Variants in KCNT1 observed in about 807,000 individuals in gnomAD.
KCNT1 encodes the protein potassium channel subfamily T member 1.
Under a neutral mutation model 147.8 loss-of-function variants are expected in KCNT1, and 78 were observed. That is an observed-to-expected ratio of 0.53 (90% CI 0.44 to 0.64). The LOEUF (loss-of-function observed/expected upper bound fraction) is 0.64, where lower values mean the gene tolerates loss of function less well. KCNT1 is among the 30% of genes least tolerant of loss of function. The probability of loss-of-function intolerance (pLI) is 0.00; values close to 1 mark genes in which losing one functional copy is unlikely to be tolerated. For missense variants in KCNT1, 1,419 were observed against 1,750.3 expected (o/e 0.81, Z 3.38); for synonymous variants, 867 against 748.8 (o/e 1.16, Z -2.58).
intron 2 of KCNT1, among the ~76,000 whole-genome samples, chr9:135,727,545 G>A (rs1836268490): frequency 6.6e-6 from 1 of 151,944 alleles, no homozygotes; most frequent in Admixed American, 6.6e-5. Context: ...CGAGGGGCCT[G>A]GGAACGGGGA....
At chr9:135,781,048 G>A (rs888022278) in intron 24 of KCNT1, among the ~76,000 whole-genome samples, 1 of 152,312 alleles carries the variant, frequency 6.6e-6, no homozygotes, top group South Asian at 2.1e-4. Context: ...AATCACCCAC[G>A]CTCCGCCCCG....
At position 135,765,573 on chromosome 9, in the gene KCNT1, G is replaced by A. The variant is rs748497785; in HGVS notation, c.1201-51G>A. ...CACAGTCCTGAAGGCAGGGCCGCCCGGGCGGGGCAGGGGCTGGCTCAGAGG... is the reference window on the plus strand; with the variant it reads ...CACAGTCCTGAAGGCAGGGCCGCCCAGGCGGGGCAGGGGCTGGCTCAGAGG... On this transcript the variant is annotated intron_variant, in intron 12 of 30. Transcript: ENST00000371757. The A allele has an allele frequency of 1.9e-5, 30 of 1,571,240 alleles. 1 individual carries two copies. In the East Asian group the frequency reaches 2.0e-4, roughly 11 times the overall value.
chr9:135,790,347 C>T (rs1176185365), intron 29 of KCNT1: 1 of 152,248 alleles, frequency 6.6e-6, no homozygotes, highest in African/African-American at 2.4e-5. Flanking sequence ...GCCCCTGGGC[C>T]TCCTCCAAAG....
chr9:135,782,812 C>T (rs981316837), intron 24 of KCNT1, among the ~76,000 whole-genome samples: 2 of 152,252 alleles, frequency 1.3e-5, no homozygotes, highest in Non-Finnish European at 1.5e-5. Flanking sequence ...CAAATCACCA[C>T]GATTGCAAAC....
chr9:135,742,364 G>A (rs879349776), intron 2 of KCNT1, among the ~76,000 whole-genome samples: 8 of 152,198 alleles, frequency 5.3e-5, no homozygotes, highest in Non-Finnish European at 1.0e-4. Context: ...GGGCCAGGGC[G>A]AGTGCCCAAA....
intron 24 of KCNT1, among the ~76,000 whole-genome samples, chr9:135,781,296 A>T (rs1223824134): frequency 2.0e-5 from 3 of 152,202 alleles, no homozygotes; most frequent in African/African-American, 7.2e-5. Flanking sequence ...TGTGGGACAG[A>T]TGCCCTGGGC....
chr9:135,764,925 GC>G, intron 11 of KCNT1, 105 bp from the exon 12 acceptor site: 2 of 1,319,136 alleles, frequency 1.5e-6, no homozygotes, highest in Non-Finnish European at 2.1e-6. Context: ...GGCCGGCCCT[GC>G]CCCAGGCCCC....
In KCNT1 at chr9:135,763,115, A is replaced by G. The variant is rs532127216; in HGVS notation, c.1036-1916A>G. Among the ~76,000 whole-genome samples, 8 of 152,320 alleles carry G rather than the reference A, an allele frequency of 5.3e-5. No individual in the cohort carries two copies. In the East Asian group the frequency reaches 1.5e-3, roughly 29 times the overall value. On this transcript the variant is annotated intron_variant, in intron 11 of 30. Transcript: ENST00000371757. The stretch of plus-strand genomic sequence containing the variant: ...TGGGGGCTGGCGCACCCTCCCTCCC[A>G]TCAGCCCTGCCGGACCTGGTGCTCA...
At position 135,778,976 on chromosome 9, in the gene KCNT1, C is replaced by T. The variant is rs547740163; in HGVS notation, c.2729+154C>T. 9.7e-4 allele frequency among the ~76,000 whole-genome samples: 140 copies of T among 143,730 alleles called. 1 individual carries two copies. The highest frequency in any genetic ancestry group is 5.8e-3 in the South Asian group (24 of 4,152). The allele number at this position is 143,730 out of a possible 152,430, so 94.3% of individuals were successfully genotyped here. On this transcript the variant is annotated intron_variant, in intron 23 of 30. Coordinates refer to ENST00000371757, the MANE Select transcript of KCNT1 (RefSeq NM_020822.3). ...CCTCGCCCTGAGACCGCCACAGCCACGACCACGGGCCCTCGCCCTGAGACC... is the reference window on the plus strand; with the variant it reads ...CCTCGCCCTGAGACCGCCACAGCCATGACCACGGGCCCTCGCCCTGAGACC...
At chr9:135,763,091 G>A (rs1174323583) in intron 11 of KCNT1, among the ~76,000 whole-genome samples, 1 of 152,248 alleles carries the variant, frequency 6.6e-6, no homozygotes, top group Non-Finnish European at 1.5e-5. Context: ...GGCAGGGCCT[G>A]GGGGCTGGCG....
intron 1 of KCNT1, among the ~76,000 whole-genome samples, chr9:135,708,229 C>CAT: frequency 6.6e-6 from 1 of 152,298 alleles, no homozygotes; most frequent in South Asian, 2.1e-4. Flanking sequence ...TGCATGCACA[C>CAT]ATATGTCCAC....
chr9:135,783,022 C>T (rs1257885253), intron 24 of KCNT1, among the ~76,000 whole-genome samples: 3 of 152,162 alleles, frequency 2.0e-5, no homozygotes, highest in African/African-American at 7.2e-5. Context: ...GTTCTGGTTC[C>T]GGGGGGAAGT....
intron 13 of KCNT1, among the ~76,000 whole-genome samples, chr9:135,766,342 A>C (rs1832283647): frequency 7.4e-6 from 1 of 134,784 alleles, no homozygotes; most frequent in African/African-American, 2.9e-5. Flanking sequence ...ATTCAGAGTG[A>C]ACCATCTGGG....
chr9:135,790,086 C>T (rs1834380708), intron 29 of KCNT1: 1 of 152,144 alleles, frequency 6.6e-6, no homozygotes, highest in Non-Finnish European at 1.5e-5. Context: ...CCGGGCACCC[C>T]AGCGGGAGAA....
intron 19 of KCNT1, 116 bp downstream of exon 19, chr9:135,773,065 C>A: frequency 4.4e-6 from 3 of 677,388 alleles, no homozygotes; most frequent in Admixed American, 7.7e-5. Flanking sequence ...AGCTTCTGGA[C>A]AGCTCCGTGG....
intron 1 of KCNT1, among the ~76,000 whole-genome samples, chr9:135,710,749 A>G (rs1835452416): frequency 6.6e-6 from 1 of 152,214 alleles, no homozygotes; most frequent in Non-Finnish European, 1.5e-5. Flanking sequence ...TTGCACGTAT[A>G]GTCTTCAGGA....
chr9:135,753,784 C>T lies in KCNT1; in HGVS notation c.435-153C>T, dbSNP rs145273710. 4.8e-4 allele frequency: 341 copies of T among 717,766 alleles called. 1 individual carries two copies. The East Asian group carries it at 8.6e-3, about 18-fold the overall frequency. 44.5% of individuals were successfully genotyped at this position (717,766 alleles called of 1,614,324 possible). A position where few individuals can be genotyped will look rare whatever the true frequency, so the allele number is the denominator to read the frequency against. ...GTGGGGAGGGGGCAGGCTGCCTTGTCTCCCAGGTGTTAGAGCTCTGATGTG... is the reference window on the plus strand; with the variant it reads ...GTGGGGAGGGGGCAGGCTGCCTTGTTTCCCAGGTGTTAGAGCTCTGATGTG... On this transcript the variant is annotated intron_variant, in intron 4 of 30. Coordinates refer to ENST00000371757, the MANE Select transcript of KCNT1 (RefSeq NM_020822.3).
At chr9:135,726,006 G>C (rs1397086621) in intron 2 of KCNT1, among the ~76,000 whole-genome samples, 3 of 152,134 alleles carry the variant, frequency 2.0e-5, no homozygotes, top group Non-Finnish European at 4.4e-5. Context: ...CATGGCTGTG[G>C]GGGCTCGGAG....
Position 135,714,734 on chromosome 9 carries a change from G to C in KCNT1, c.254+14G>C. The C allele has an allele frequency of 7.4e-7, 1 of 1,356,342 alleles. No individual in the cohort carries two copies. Among genetic ancestry groups the C allele is most frequent in the Non-Finnish European group, 9.6e-7 (1 of 1,041,928 alleles). 84.0% of individuals were successfully genotyped at this position (1,356,342 alleles called of 1,614,324 possible). On this transcript the variant is annotated intron_variant, in intron 2 of 30. Transcript: ENST00000371757. The surrounding 1 kb of genome is among the most constrained non-coding windows in gnomAD (Gnocchi z 6.2). ...GAACGACGACAGGTAGGGACCGGGC[G>C]CGGGGTGGGGGCTGGGGTCGCCGTC...
Sources: gnomAD v4.1 joint callset for allele counts (sites outside exome capture counted in the v4.1 genomes callset) on GRCh38, gnomAD v4.1.1 for gene constraint, Gnocchi (gnomAD v3.1) non-coding constraint, MANE v1.5 for transcripts, NCBI Gene and HGNC (gene_info 2026-07-23, HGNC 2026-07-21) for gene names.